KCNMA1: variants seen among roughly 807,000 people sequenced by gnomAD.
KCNMA1 encodes potassium calcium-activated channel subfamily M alpha 1.
KCNMA1 carries 29 observed loss-of-function variants against 140.0 expected under a neutral mutation model. That is an observed-to-expected ratio of 0.21 (90% CI 0.15 to 0.28). KCNMA1 has a LOEUF of 0.28. KCNMA1 is among the 10% of genes least tolerant of loss of function. KCNMA1 has a pLI of 1.00. For synonymous variants in KCNMA1, 612 were observed against 611.9 expected (o/e 1.00, Z 0.00); for missense variants, 880 against 1,602.2 (o/e 0.55, Z 7.70).
intron 26 of KCNMA1, among the ~76,000 whole-genome samples, chr10:76,890,503 T>C (rs4639876): frequency 0.59 from 89,834 of 152,032 alleles, 28,094 homozygotes; most frequent in Middle Eastern, 0.76. Context: ...AGCCACTAGC[T>C]ATGAAAATTC....
At chr10:76,884,007 T>C, downstream of KCNMA1, 2 of 983,286 alleles carry the variant, frequency 2.0e-6, no homozygotes, top group Non-Finnish European at 2.4e-6. Context: ...GGCATGACTG[T>C]GTGCCCAAAG....
intron 1 of KCNMA1, among the ~76,000 whole-genome samples, chr10:77,532,152 A>G (rs1166612974): frequency 6.6e-6 from 1 of 152,194 alleles, no homozygotes. Context: ...AACTGGGGGG[A>G]AAATGCACTG....
chr10:77,365,981 T>C (rs2094326419), intron 2 of KCNMA1, among the ~76,000 whole-genome samples: 1 of 152,086 alleles, frequency 6.6e-6, no homozygotes, highest in African/African-American at 2.4e-5. Flanking sequence ...CAATAATATA[T>C]AAGGGCTTGG....
intron 1 of KCNMA1, among the ~76,000 whole-genome samples, chr10:77,436,382 C>T (rs983744019): frequency 7.9e-5 from 12 of 152,194 alleles, no homozygotes; most frequent in African/African-American, 2.7e-4. Flanking sequence ...CAAAAGCAAC[C>T]CTTTGTCGTC....
intron 24 of KCNMA1, chr10:76,914,284 C>T (rs948062012): frequency 7.8e-6 from 5 of 645,128 alleles, no homozygotes; most frequent in African/African-American, 7.3e-5. Context: ...GGGGAAGAGG[C>T]CACTCTACAG....
intron 2 of KCNMA1, chr10:77,350,624 C>T (rs1478057617): frequency 6.6e-6 from 1 of 152,200 alleles, no homozygotes; most frequent in Non-Finnish European, 1.5e-5. Context: ...TAAATTTGTT[C>T]TACTCTAGAA....
chr10:77,087,356 G>A (rs953578790), intron 10 of KCNMA1, among the ~76,000 whole-genome samples: 5 of 152,100 alleles, frequency 3.3e-5, no homozygotes, highest in Admixed American at 6.6e-5. Flanking sequence ...TCAATATATA[G>A]ATACCGATAT....
intron 3 of KCNMA1, among the ~76,000 whole-genome samples, chr10:77,198,093 T>C (rs1346239156): frequency 6.6e-6 from 1 of 152,162 alleles, no homozygotes; most frequent in Non-Finnish European, 1.5e-5. Context: ...CATGAGAGTT[T>C]TTAACATCAA....
At chr10:77,015,086 C>T (rs538959391) in intron 17 of KCNMA1, among the ~76,000 whole-genome samples, 6 of 152,256 alleles carry the variant, frequency 3.9e-5, no homozygotes, top group South Asian at 4.1e-4. Flanking sequence ...TCCAGCTCAC[C>T]GTACCCCTCC....
chr10:77,240,996 A>AT (rs1393674756), intron 3 of KCNMA1, among the ~76,000 whole-genome samples: 6 of 152,234 alleles, frequency 3.9e-5, no homozygotes, highest in Non-Finnish European at 5.9e-5. Context: ...TTGTCTTAAA[A>AT]TTTTTGTTGT....
At chr10:77,239,300 C>T (rs564008794) in intron 3 of KCNMA1, among the ~76,000 whole-genome samples, 39 of 152,340 alleles carry the variant, frequency 2.6e-4, no homozygotes, top group Non-Finnish European at 4.3e-4. Context: ...TGCACACTGT[C>T]CCTGCAGTTC....
chr10:77,598,722 G>A (rs567158154), intron 1 of KCNMA1, among the ~76,000 whole-genome samples: 1 of 152,294 alleles, frequency 6.6e-6, no homozygotes, highest in South Asian at 2.1e-4. Context: ...CCAAACAACC[G>A]CCTGGCTCTC....
At chr10:77,481,559 G>A (rs1391821109) in intron 1 of KCNMA1, among the ~76,000 whole-genome samples, 2 of 152,036 alleles carry the variant, frequency 1.3e-5, no homozygotes, top group Non-Finnish European at 2.9e-5. Flanking sequence ...CGGATCACAA[G>A]GTCAGGAGAT....
chr10:77,633,580 C>G (rs1256766272), intron 1 of KCNMA1, among the ~76,000 whole-genome samples: 1 of 152,210 alleles, frequency 6.6e-6, no homozygotes, highest in Non-Finnish European at 1.5e-5. Context: ...TTGACTGCGT[C>G]AGGCCAGACC....
chr10:77,364,721 T>A (rs2094226842), intron 2 of KCNMA1, among the ~76,000 whole-genome samples: 1 of 152,162 alleles, frequency 6.6e-6, no homozygotes, highest in South Asian at 2.1e-4. Flanking sequence ...CAGGCCTGAA[T>A]GGGTAGCCAG....
chr10:77,471,476 A>C (rs2098149076), intron 1 of KCNMA1, among the ~76,000 whole-genome samples: 1 of 151,278 alleles, frequency 6.6e-6, no homozygotes, highest in Non-Finnish European at 1.5e-5. Flanking sequence ...CACGTAACAC[A>C]ATACATGCTA....
chr10:77,495,544 G>C (rs1433370003), intron 1 of KCNMA1, among the ~76,000 whole-genome samples: 2 of 152,188 alleles, frequency 1.3e-5, no homozygotes, highest in Non-Finnish European at 2.9e-5. Context: ...TGAGTGCCGT[G>C]ATTTCTCTGC....
chr10:77,012,143 C>A (rs1366168348), intron 17 of KCNMA1, 100 bp from the exon 18 acceptor site: 1 of 1,595,486 alleles, frequency 6.3e-7, no homozygotes, highest in African/African-American at 1.3e-5. Context: ...ATGAAACACG[C>A]CAGCATTAAT....
At chr10:77,290,186 T>C (rs2072689050) in intron 2 of KCNMA1, among the ~76,000 whole-genome samples, 1 of 152,222 alleles carries the variant, frequency 6.6e-6, no homozygotes, top group Non-Finnish European at 1.5e-5. Context: ...AATAAAAATG[T>C]TTACAAGGCC....
Sources: gnomAD v4.1 joint callset for allele counts (sites outside exome capture counted in the v4.1 genomes callset) on GRCh38, gnomAD v4.1.1 for gene constraint, MANE v1.5 for transcripts, NCBI Gene and HGNC (gene_info 2026-07-23, HGNC 2026-07-21) for gene names.